Variants in TCEANC2 observed in about 807,000 individuals in gnomAD.
TCEANC2 encodes the protein transcription elongation factor A N-terminal and central domain containing 2, also known as transcription elongation factor A N-terminal and central domain-containing protein 2.
TCEANC2 carries 20 observed loss-of-function variants against 22.8 expected under a neutral mutation model. That is an observed-to-expected ratio of 0.88 (90% confidence interval 0.62 to 1.28). TCEANC2 has a LOEUF of 1.28. Ranked by LOEUF, TCEANC2 falls within the 50% of genes most tolerant of loss-of-function variation. The pLI is 0.00. For synonymous variants in TCEANC2, 84 were observed against 95.5 expected (o/e 0.88, Z 0.70); for missense variants, 251 against 249.7 (o/e 1.01, Z -0.03).
At chr1:54,060,191 AG>A (rs2100354605) in intron 2 of TCEANC2, among the ~76,000 whole-genome samples, 1 of 152,050 alleles carries the variant, frequency 6.6e-6, no homozygotes, top group African/African-American at 2.4e-5. Context: ...GTGGATCATG[AG>A]GTCAGGAGTT....
intron 2 of TCEANC2, among the ~76,000 whole-genome samples, chr1:54,057,016 T>G (rs1043659790): frequency 2.6e-5 from 4 of 151,340 alleles, no homozygotes; most frequent in African/African-American, 9.7e-5. Context: ...CACTGCAACC[T>G]GGGTGACAAA....
At chr1:54,091,182 C>G (rs1215430302) in intron 4 of TCEANC2, among the ~76,000 whole-genome samples, 1 of 151,212 alleles carries the variant, frequency 6.6e-6, no homozygotes, top group Non-Finnish European at 1.5e-5. Context: ...GCTTTCCTTG[C>G]ATAAACAGCA....
chr1:54,080,405 A>T (rs192496698), intron 3 of TCEANC2, among the ~76,000 whole-genome samples: 3 of 152,064 alleles, frequency 2.0e-5, no homozygotes, highest in African/African-American at 7.2e-5. Context: ...CAGCCTCCTA[A>T]TAAGTGCTGG....
chr1:54,076,761 G>C (rs1212302145), intron 3 of TCEANC2, among the ~76,000 whole-genome samples: 1 of 152,158 alleles, frequency 6.6e-6, no homozygotes, highest in African/African-American at 2.4e-5. Flanking sequence ...CATGTGCCAG[G>C]CAGTGTTCTG....
intron 3 of TCEANC2, among the ~76,000 whole-genome samples, chr1:54,075,075 T>C (rs907152838): frequency 1.3e-5 from 2 of 152,216 alleles, no homozygotes; most frequent in African/African-American, 4.8e-5. Flanking sequence ...CCTTGGATCA[T>C]CATTTGATCT....
chr1:54,082,584 G>A (rs186868925), intron 3 of TCEANC2, among the ~76,000 whole-genome samples: 49 of 152,302 alleles, frequency 3.2e-4, no homozygotes, highest in African/African-American at 1.1e-3. Flanking sequence ...TAGGCAGAGG[G>A]AATGGTATGA....
intron 3 of TCEANC2, among the ~76,000 whole-genome samples, chr1:54,069,205 GTACT>G (rs2100363001): frequency 6.6e-6 from 1 of 152,338 alleles, no homozygotes; most frequent in East Asian, 1.9e-4. Flanking sequence ...TTTAATTTAT[GTACT>G]TACTTCATGG....
chr1:54,104,953 C>T lies in TCEANC2; in HGVS notation c.*8480C>T, dbSNP rs1400716357. 2.1e-5 allele frequency: 4 copies of T among 194,402 alleles called. No homozygotes were observed. Among genetic ancestry groups the T allele is most frequent in the Non-Finnish European group, 3.3e-5 (3 of 90,060 alleles). 12.0% of individuals were successfully genotyped at this position (194,402 alleles called of 1,614,324 possible). A position where few individuals can be genotyped will look rare whatever the true frequency, so the allele number is the denominator to read the frequency against. On this transcript the variant is annotated 3_prime_UTR_variant, in exon 5 of 5. Coordinates refer to ENST00000234827, the MANE Select transcript of TCEANC2 (RefSeq NM_153035.3). ...GGGCTGAGGGTCTAAATCATGCCTCCGTGGAAGTGACGGAGACCGGAACAC... is the reference window on the plus strand; with the variant it reads ...GGGCTGAGGGTCTAAATCATGCCTCTGTGGAAGTGACGGAGACCGGAACAC...
intron 2 of TCEANC2, among the ~76,000 whole-genome samples, chr1:54,059,819 G>A (rs930298108): frequency 5.9e-5 from 9 of 152,200 alleles, no homozygotes; most frequent in African/African-American, 7.2e-5. Context: ...CTGGCATGCC[G>A]TTGTAGGGTT....
rs540752255 is a variant in TCEANC2 at position 54,076,028 on chromosome 1, C to CAA, written c.244+7143_244+7144dup. Among the ~76,000 whole-genome samples, 786 of 123,812 alleles carry CAA rather than the reference C, an allele frequency of 6.3e-3. 4 individuals are homozygous for CAA. Among genetic ancestry groups the CAA allele is most frequent in the African/African-American group, 0.019 (679 of 35,492 alleles). The allele number at this position is 123,812 out of a possible 152,430, so 81.2% of individuals were successfully genotyped here. On this transcript the variant is annotated intron_variant, in intron 3 of 4. Transcript: ENST00000234827. ...GGGCAACAGAGCAAGAACTTGTCTC[C>CAA]AAAAAAAAAAAAAGAAGAAGAAGAA...
rs1404665581 is a variant in TCEANC2 at position 54,096,493 on chromosome 1, C to T, written c.*20C>T. The T allele has an allele frequency of 3.8e-6, 6 of 1,579,442 alleles. No individual in the cohort carries two copies. In the East Asian group the frequency reaches 1.4e-4, roughly 36 times the overall value. ...AAGTGACCTGAGGACGGTTCCAGCC[C>T]TGGGCCAGGCAGAGAGGAAAATGGG... On this transcript the variant is annotated 3_prime_UTR_variant, in exon 5 of 5. Transcript: ENST00000234827. The surrounding 1 kb of genome is among the most constrained non-coding windows in gnomAD (Gnocchi z 4.9).
At chr1:54,066,723 G>C (rs1657964368) in intron 2 of TCEANC2, among the ~76,000 whole-genome samples, 1 of 152,120 alleles carries the variant, frequency 6.6e-6, no homozygotes, top group Non-Finnish European at 1.5e-5. Flanking sequence ...TGGTAAAAAA[G>C]GCATGATATT....
At chr1:54,057,838 A>G (rs1188903709) in intron 2 of TCEANC2, among the ~76,000 whole-genome samples, 2 of 152,122 alleles carry the variant, frequency 1.3e-5, no homozygotes, top group Non-Finnish European at 2.9e-5. Flanking sequence ...TGCCTCATCC[A>G]ATGTCAACCA....
chr1:54,091,549 T>C (rs751009924), intron 4 of TCEANC2, among the ~76,000 whole-genome samples: 1 of 152,216 alleles, frequency 6.6e-6, no homozygotes, highest in Non-Finnish European at 1.5e-5. Flanking sequence ...TTCACTCATA[T>C]CCTTTAATAG....
rs1658699285 is a variant in TCEANC2, at chr1:54,103,672, C to T, written c.*7199C>T. On this transcript the variant is annotated 3_prime_UTR_variant, in exon 5 of 5. Transcript: ENST00000234827. ...TGCTGAGTGTTCGGCCTGCCAGTAA[C>T]AGAGACCAACTCTGAACCTAGATAT... is the stretch of plus-strand genomic sequence containing the variant. 6.6e-6 allele frequency: 1 copy of T among 152,246 alleles called. No individual in the cohort carries two copies. The highest frequency in any genetic ancestry group is 2.4e-5 in the African/African-American group (1 of 41,464). The allele number at this position is 152,246 out of a possible 1,614,324, so 9.4% of individuals were successfully genotyped here. A position where few individuals can be genotyped will look rare whatever the true frequency, so the allele number is the denominator to read the frequency against.
intron 3 of TCEANC2, among the ~76,000 whole-genome samples, chr1:54,082,286 T>G (rs894593761): frequency 6.6e-6 from 1 of 152,252 alleles, no homozygotes; most frequent in African/African-American, 2.4e-5. Flanking sequence ...TTTCATTTTC[T>G]CAGCACCTTT....
intron 3 of TCEANC2, among the ~76,000 whole-genome samples, chr1:54,081,239 A>T (rs1395942712): frequency 1.3e-5 from 2 of 152,000 alleles, no homozygotes; most frequent in African/African-American, 4.8e-5. Context: ...TTATTTTATA[A>T]TTTTTTTAGG....
In TCEANC2 at chr1:54,097,022, T is replaced by C; in HGVS notation, c.*549T>C. On this transcript the variant is annotated 3_prime_UTR_variant, in exon 5 of 5. Coordinates refer to ENST00000234827, the MANE Select transcript of TCEANC2 (RefSeq NM_153035.3). ...AGCTCACTTATCTGAACGTTTCAGC[T>C]CTCCCTGGAAGACCTTCTGCGTTGG... The C allele has an allele frequency of 1.0e-6, 1 of 983,294 alleles. No homozygotes were observed. Among genetic ancestry groups the C allele is most frequent in the Non-Finnish European group, 1.2e-6 (1 of 827,702 alleles). 60.9% of individuals were successfully genotyped at this position (983,294 alleles called of 1,614,324 possible).
chr1:54,111,230 C>G (rs528341531), exon 5 of TCEANC2: 1 of 152,308 alleles, frequency 6.6e-6, no homozygotes, highest in Admixed American at 6.5e-5. Context: ...AGTCTGGGCT[C>G]CATGGGAAGA....
Sources: allele counts gnomAD v4.1 joint callset (sites outside exome capture counted in the v4.1 genomes callset), GRCh38; gene constraint gnomAD v4.1.1; non-coding constraint Gnocchi (gnomAD v3.1); transcripts MANE v1.5; gene names NCBI Gene and HGNC (gene_info 2026-07-23, HGNC 2026-07-21).